The following MCF2L variants were observed in gnomAD, a reference collection of about 807,000 sequenced individuals.
The protein encoded by MCF2L is MCF.2 cell line derived transforming sequence like.
A neutral mutation model predicts 153.4 loss-of-function variants in MCF2L; 97 were observed. The ratio of observed to expected loss-of-function variants is 0.63; its 90% CI spans 0.54 to 0.75. MCF2L has a LOEUF of 0.75. MCF2L is among the 30% of genes least tolerant of loss of function. The pLI is 0.00. For missense variants in MCF2L, 1,347 were observed against 1,495.2 expected, an observed-to-expected ratio of 0.90 and a Z score of 1.64; for synonymous variants, 659 against 632.2, an observed-to-expected ratio of 1.04 and a Z score of -0.64.
chr13:112,954,350 C>T (rs1177047050), intron 2 of MCF2L, among the ~76,000 whole-genome samples: 2 of 152,162 alleles, frequency 1.3e-5, no homozygotes, highest in Non-Finnish European at 1.5e-5. Flanking sequence ...GGAAAGTGGC[C>T]GAGGCAACCA....
chr13:113,067,208 G>T (rs1017106864), intron 8 of MCF2L, among the ~76,000 whole-genome samples: 105 of 149,796 alleles, frequency 7.0e-4, no homozygotes, highest in Non-Finnish European at 9.8e-4. Flanking sequence ...TCCCAGCTAC[G>T]CGGAGGCAGA....
intron 1 of MCF2L, among the ~76,000 whole-genome samples, chr13:112,896,022 G>A (rs889967614): frequency 6.6e-6 from 1 of 152,232 alleles, no homozygotes; most frequent in East Asian, 1.9e-4. Flanking sequence ...GAGATTGTGG[G>A]AAACTGCTGG....
At chr13:113,025,413 A>G (rs1410224083) in intron 3 of MCF2L, among the ~76,000 whole-genome samples, 3 of 34,800 alleles carry the variant, frequency 8.6e-5, no homozygotes, top group Non-Finnish European at 1.6e-4. Context: ...GTGAGGTTTC[A>G]TCATGGTGGG....
At position 113,096,795 on chromosome 13, in the gene MCF2L, TGCTGA is replaced by T. The variant is rs756621732; in HGVS notation, c.3317_3321del (p.Leu1106GlnfsTer145). On this transcript the variant is annotated frameshift_variant, in exon 30 of 30. Coordinates refer to ENST00000535094, the MANE Select transcript of MCF2L (RefSeq NM_001112732.3). LOFTEE classifies it high-confidence loss of function. The stretch of plus-strand genomic sequence containing the variant: ...GCAGAGTCGAGCCCGGGGTCGGCCG[TGCTGA>T]GCAACTCGTCCAGCTGCAGCGAGGG... The T allele has an allele frequency of 6.4e-7, 1 of 1,562,338 alleles. No homozygotes were observed. Among genetic ancestry groups the T allele is most frequent in the South Asian group, 1.2e-5 (1 of 86,658 alleles).
intron 3 of MCF2L, chr13:113,044,141 G>C (rs936832645): frequency 2.2e-5 from 4 of 182,652 alleles, no homozygotes; most frequent in East Asian, 1.2e-4. Flanking sequence ...ACTGCAGAAG[G>C]CTGCTTTGAA....
chr13:112,907,810 A>G lies in MCF2L; in HGVS notation c.169+5439A>G, dbSNP rs1032902594. On this transcript the variant is annotated intron_variant, in intron 2 of 29. Coordinates refer to the MCF2L transcript ENST00000375608. This position sits in a 1 kb window ranked among gnomAD's most constrained non-coding sequence, Gnocchi z 5.1. ...AACAGCTCTGAGAAAAGGCGATCTC[A>G]GCAGCACGCCGTGTTAAAGAACAGC... Among the ~76,000 whole-genome samples the G allele has an allele frequency of 6.6e-6, 1 of 152,190 alleles. No individual in the cohort carries two copies. Among genetic ancestry groups the G allele is most frequent in the Non-Finnish European group, 1.5e-5 (1 of 68,038 alleles).
intron 27 of MCF2L, chr13:113,095,729 C>T (rs940423515): frequency 1.0e-6 from 1 of 995,100 alleles, no homozygotes; most frequent in African/African-American, 1.7e-5. Flanking sequence ...CACCCCTCCG[C>T]AGCCCACCAC....
Position 113,064,780 on chromosome 13 carries a change from G to T in MCF2L, c.607-156G>T. ...GTATGTTTCTGAAGAGGTCAAGGAGGGCAGGACGCTATGGGAGGGCGTTCA... is the reference window on the plus strand; with the variant it reads ...GTATGTTTCTGAAGAGGTCAAGGAGTGCAGGACGCTATGGGAGGGCGTTCA... On this transcript the variant is annotated intron_variant, in intron 6 of 29. Transcript: ENST00000535094. This position sits in a 1 kb window ranked among gnomAD's most constrained non-coding sequence, Gnocchi z 6.0. The T allele has an allele frequency of 1.4e-6, 1 of 738,900 alleles. No individual in the cohort carries two copies. Among genetic ancestry groups the T allele is most frequent in the South Asian group, 1.9e-5 (1 of 53,882 alleles). 45.8% of individuals were successfully genotyped at this position (738,900 alleles called of 1,614,324 possible).
chr13:113,098,069 G>A lies in MCF2L; in HGVS notation c.*1210G>A, dbSNP rs2142169730. The A allele has an allele frequency of 6.6e-6, 1 of 152,484 alleles. No individual in the cohort carries two copies. Among genetic ancestry groups the A allele is most frequent in the Admixed American group, 6.5e-5 (1 of 15,302 alleles). 9.4% of individuals were successfully genotyped at this position (152,484 alleles called of 1,614,324 possible). A position where few individuals can be genotyped will look rare whatever the true frequency, so the allele number is the denominator to read the frequency against. The stretch of plus-strand genomic sequence containing the variant: ...CTAGTCTGCAGATGTTTTTGTATGT[G>A]TGCACCTCTGACCATGTGTGTACAT... On this transcript the variant is annotated 3_prime_UTR_variant, in exon 30 of 30. Transcript: ENST00000535094.
chr13:112,895,928 T>A (rs1422901058), intron 1 of MCF2L, among the ~76,000 whole-genome samples: 2 of 152,160 alleles, frequency 1.3e-5, no homozygotes, highest in East Asian at 3.9e-4. Context: ...ACTTCCACAT[T>A]GGGTATCCCC....
chr13:113,034,901 G>A (rs2086053790), intron 3 of MCF2L, among the ~76,000 whole-genome samples: 1 of 152,160 alleles, frequency 6.6e-6, no homozygotes, highest in South Asian at 2.1e-4. Flanking sequence ...AGGAAGGTCT[G>A]CCCGAGGTGA....
Position 113,074,435 on chromosome 13 carries a change from C to T in MCF2L, c.997-9C>T, listed in dbSNP as rs763110948. 19 of 1,610,990 alleles carry T rather than the reference C, an allele frequency of 1.2e-5. No individual in the cohort carries two copies. The highest frequency in any genetic ancestry group is 1.5e-5 in the Non-Finnish European group (18 of 1,177,552). Reference sequence around the variant, plus strand: ...ACACCCCCCTGAGATGGGCCCTCCTCTGTTCCAGGTCAAAGCCATCTTGGA... The same window carrying T: ...ACACCCCCCTGAGATGGGCCCTCCTTTGTTCCAGGTCAAAGCCATCTTGGA... On this transcript the variant is annotated splice_polypyrimidine_tract_variant and intron_variant, in intron 9 of 29. Transcript: ENST00000535094. This position sits in a 1 kb window ranked among gnomAD's most constrained non-coding sequence, Gnocchi z 4.2.
At position 112,955,685 on chromosome 13, in the gene MCF2L, G is replaced by A. The variant is rs550266728; in HGVS notation, c.169+53314G>A. ...ACCCCTTTGCCATAAGGCAGACTGC[G>A]CTGGAGGCTGTTTCCATTCCCCAAA... On this transcript the variant is annotated intron_variant, in intron 2 of 29. Transcript: ENST00000375608. Among the ~76,000 whole-genome samples the A allele has an allele frequency of 1.6e-4, 24 of 152,258 alleles. 1 individual carries two copies. The highest frequency in any genetic ancestry group is 1.1e-3 in the Admixed American group (17 of 15,302).
chr13:113,087,498 G>A (rs772883120), intron 22 of MCF2L, 42 bp downstream of exon 22: 7 of 1,489,610 alleles, frequency 4.7e-6, no homozygotes, highest in African/African-American at 4.1e-5. Flanking sequence ...CCTGGCCACA[G>A]ACCCCGACGG....
intron 9 of MCF2L, among the ~76,000 whole-genome samples, chr13:113,072,455 A>G (rs2033015704): frequency 6.6e-6 from 1 of 152,138 alleles, no homozygotes; most frequent in African/African-American, 2.4e-5. Flanking sequence ...TTAGTTTTTC[A>G]CTGTCAGGTG....
In MCF2L at chr13:112,979,648, C is replaced by G. The variant is rs767024454; in HGVS notation, c.79+10190C>G. 1.9e-6 allele frequency: 3 copies of G among 1,612,762 alleles called. No homozygotes were observed. The South Asian group carries it at 3.3e-5, about 18-fold the overall frequency. On this transcript the variant is annotated intron_variant, in intron 1 of 29. Coordinates refer to ENST00000535094, the MANE Select transcript of MCF2L (RefSeq NM_001112732.3). Reference sequence around the variant, plus strand: ...AGAGCTGCCTCCGCTTTGTAGCAGCCTTTGTGACAGGGCGGTTCGATGGCC... The same window carrying G: ...AGAGCTGCCTCCGCTTTGTAGCAGCGTTTGTGACAGGGCGGTTCGATGGCC...
intron 1 of MCF2L, among the ~76,000 whole-genome samples, chr13:112,994,377 C>T (rs1162477448): frequency 2.0e-5 from 3 of 147,824 alleles, no homozygotes; most frequent in African/African-American, 5.0e-5. Flanking sequence ...GGGCAAGGTG[C>T]GTGGGACGTC....
chr13:112,975,289 G>A (rs2082175912), intron 1 of MCF2L, among the ~76,000 whole-genome samples: 1 of 152,230 alleles, frequency 6.6e-6, no homozygotes. Flanking sequence ...GATAAGATGT[G>A]GGATGAGGTT....
intron 23 of MCF2L, 63 bp downstream of exon 23, chr13:113,087,862 C>A: frequency 7.2e-7 from 1 of 1,392,178 alleles, no homozygotes; most frequent in Admixed American, 1.7e-5. Flanking sequence ...TCATGGGAAC[C>A]AGTGCAAGGA....
Sources: gnomAD v4.1 joint callset for allele counts (sites outside exome capture counted in the v4.1 genomes callset) on GRCh38, gnomAD v4.1.1 for gene constraint, Gnocchi (gnomAD v3.1) non-coding constraint, MANE v1.5 for transcripts, NCBI Gene and HGNC (gene_info 2026-07-23, HGNC 2026-07-21) for gene names.